Variants in PCDH15 observed in about 807,000 individuals in gnomAD.
PCDH15 encodes protocadherin-15.
A neutral mutation model predicts 178.5 loss-of-function variants in PCDH15; 129 were observed. The observed-to-expected ratio is 0.72, with a 90% CI of 0.63 to 0.84. The LOEUF (loss-of-function observed/expected upper bound fraction) is 0.84, where lower values mean the gene tolerates loss of function less well. Among genes scored for constraint, PCDH15 ranks in the 40% least tolerant of loss-of-function variants. The pLI is 0.00. For missense variants in PCDH15, 2,230 were observed against 2,099.9 expected, an observed-to-expected ratio of 1.06 and a Z score of -1.21; for synonymous variants, 800 against 732.0, an observed-to-expected ratio of 1.09 and a Z score of -1.50.
intron 14 of PCDH15, among the ~76,000 whole-genome samples, chr10:54,151,118 T>TG (rs2044484161): frequency 6.7e-6 from 1 of 148,556 alleles, no homozygotes. Flanking sequence ...TAGATGAGTA[T>TG]TTTTTTAACA....
chr10:54,606,328 T>C (rs1172026816), intron 2 of PCDH15: 1 of 152,106 alleles, frequency 6.6e-6, no homozygotes, highest in Non-Finnish European at 1.5e-5. Context: ...AGGTGAGAAT[T>C]GCTGCCAAAG....
intron 8 of PCDH15, among the ~76,000 whole-genome samples, chr10:54,263,126 C>T (rs1010691663): frequency 6.6e-6 from 1 of 152,142 alleles, no homozygotes; most frequent in Admixed American, 6.5e-5. Flanking sequence ...ACAACTCATA[C>T]CTAAGTTGTG....
chr10:53,813,533 C>T (rs749410341), intron 35 of PCDH15, among the ~76,000 whole-genome samples: 1 of 152,132 alleles, frequency 6.6e-6, no homozygotes, highest in Non-Finnish European at 1.5e-5. Flanking sequence ...CTTGGTAAAA[C>T]TTTTTAGAAT....
chr10:55,265,011 C>T (rs895734820), intron 1 of PCDH15, among the ~76,000 whole-genome samples: 8 of 152,042 alleles, frequency 5.3e-5, no homozygotes, highest in Admixed American at 2.6e-4. Context: ...GATACAAATC[C>T]GAGGCACTCC....
At chr10:55,053,486 A>C (rs1841216669) in intron 2 of PCDH15, among the ~76,000 whole-genome samples, 1 of 152,218 alleles carries the variant, frequency 6.6e-6, no homozygotes. Context: ...AAGGGACAAA[A>C]GTGTCTTTAT....
At chr10:53,901,112 C>G (rs549351057) in intron 26 of PCDH15, among the ~76,000 whole-genome samples, 2 of 152,152 alleles carry the variant, frequency 1.3e-5, no homozygotes, top group Non-Finnish European at 2.9e-5. Flanking sequence ...ATCCCCAAAC[C>G]CTTCTTCTCC....
At chr10:54,143,092 G>A (rs1163799939) in intron 14 of PCDH15, among the ~76,000 whole-genome samples, 1 of 152,114 alleles carries the variant, frequency 6.6e-6, no homozygotes, top group Non-Finnish European at 1.5e-5. Context: ...TTGCCCTGAA[G>A]TTCAAGAGAG....
intron 18 of PCDH15, among the ~76,000 whole-genome samples, chr10:54,050,509 A>C (rs534732724): frequency 1.3e-5 from 2 of 152,232 alleles, no homozygotes; most frequent in Admixed American, 1.3e-4. Context: ...TCGAAGAACC[A>C]ACTTTTGGTT....
intron 33 of PCDH15, among the ~76,000 whole-genome samples, chr10:53,819,495 G>A (rs1564525238): frequency 6.6e-6 from 1 of 151,956 alleles, no homozygotes; most frequent in East Asian, 1.9e-4. Flanking sequence ...TACTTATAAA[G>A]CCAGTTCATA....
chr10:54,131,416 C>T (rs2042425577), intron 15 of PCDH15, among the ~76,000 whole-genome samples: 2 of 151,990 alleles, frequency 1.3e-5, no homozygotes. Context: ...TCTTATTACT[C>T]CATTAAATGA....
intron 20 of PCDH15, among the ~76,000 whole-genome samples, chr10:54,010,541 T>C (rs2092546513): frequency 1.3e-5 from 2 of 152,330 alleles, no homozygotes; most frequent in South Asian, 4.1e-4. Context: ...CTGCTTTCTA[T>C]GCAGGTCTCT....
intron 2 of PCDH15, among the ~76,000 whole-genome samples, chr10:54,578,039 A>C (rs2133737388): frequency 6.6e-6 from 1 of 152,262 alleles, no homozygotes; most frequent in Non-Finnish European, 1.5e-5. Context: ...TGGATGATTT[A>C]TATACATTTG....
At position 54,801,212 on chromosome 10, in the gene PCDH15, A is replaced by T. The variant is rs1952629962; in HGVS notation, c.-316T>A. ...TTCTGAGATGTATGCCACCTGCCTTAGTTACCACAAGCAACTAACACTAAG... is the reference window on the plus strand; with the variant it reads ...TTCTGAGATGTATGCCACCTGCCTTTGTTACCACAAGCAACTAACACTAAG... On this transcript the variant is annotated 5_prime_UTR_variant, in exon 1 of 38. Transcript: ENST00000644397. 6.6e-6 allele frequency: 1 copy of T among 152,220 alleles called. No homozygotes were observed. Among genetic ancestry groups the T allele is most frequent in the South Asian group, 2.1e-4 (1 of 4,834 alleles). The allele number at this position is 152,220 out of a possible 1,614,324, so 9.4% of individuals were successfully genotyped here.
At chr10:54,384,916 C>A (rs1949736769) in intron 3 of PCDH15, among the ~76,000 whole-genome samples, 1 of 152,056 alleles carries the variant, frequency 6.6e-6, no homozygotes, top group African/African-American at 2.4e-5. Flanking sequence ...ACCTAATTGA[C>A]TGTAGGACAA....
intron 27 of PCDH15, 31 bp downstream of exon 27, chr10:53,866,611 A>G: frequency 6.4e-7 from 1 of 1,551,050 alleles, no homozygotes; most frequent in Non-Finnish European, 8.9e-7. Context: ...TATCGTAGCT[A>G]CTTCCCTTTC....
intron 2 of PCDH15, among the ~76,000 whole-genome samples, chr10:55,583,356 A>C (rs1274855879): frequency 1.3e-5 from 2 of 152,220 alleles, no homozygotes; most frequent in East Asian, 3.8e-4. Flanking sequence ...GCTTCAATAG[A>C]ATATAACATG....
intron 23 of PCDH15, among the ~76,000 whole-genome samples, chr10:53,958,224 TATC>T (rs1366781336): frequency 3.3e-5 from 5 of 152,328 alleles, no homozygotes; most frequent in African/African-American, 7.2e-5. Context: ...CCTCAATTAT[TATC>T]ATCATCCAAC....
chr10:53,924,488 G>A (rs2084307394), intron 25 of PCDH15, among the ~76,000 whole-genome samples: 3 of 151,928 alleles, frequency 2.0e-5, no homozygotes, highest in East Asian at 3.9e-4. Flanking sequence ...TGTGCAGCCT[G>A]AGCCTCCCCA....
At chr10:54,876,602 C>T (rs1248005203) in intron 3 of PCDH15, among the ~76,000 whole-genome samples, 1 of 152,082 alleles carries the variant, frequency 6.6e-6, no homozygotes, top group African/African-American at 2.4e-5. Flanking sequence ...TCATGAATGA[C>T]ATTGAACAGT....
Sources: gnomAD v4.1 joint callset for allele counts (sites outside exome capture counted in the v4.1 genomes callset) on GRCh38, gnomAD v4.1.1 for gene constraint, MANE v1.5 for transcripts, NCBI Gene and HGNC (gene_info 2026-07-23, HGNC 2026-07-21) for gene names.